Variants in PRPF40B observed in about 807,000 individuals in gnomAD.
PRPF40B encodes the protein pre-mRNA processing factor 40B.
Under a neutral mutation model 124.5 loss-of-function variants are expected in PRPF40B, and 56 were observed. That is an observed-to-expected ratio of 0.45 (90% CI 0.36 to 0.56). The LOEUF (loss-of-function observed/expected upper bound fraction) is 0.56, where lower values mean the gene tolerates loss of function less well. PRPF40B is among the 20% of genes least tolerant of loss of function. The probability of loss-of-function intolerance (pLI) is 0.00; values close to 1 mark genes in which losing one functional copy is unlikely to be tolerated. For synonymous variants in PRPF40B, 443 were observed against 426.4 expected (o/e 1.04, Z -0.48); for missense variants, 1,053 against 1,169.5 (o/e 0.90, Z 1.45).
chr12:49,633,889 ACAG>A lies in PRPF40B; in HGVS notation c.620_622del (p.Gln207del), dbSNP rs1460158407. On this transcript the variant is annotated inframe_deletion, in exon 10 of 26. Coordinates refer to ENST00000548825, the MANE Select transcript of PRPF40B (RefSeq NM_001031698.3). ...CGCCCTTCTGGCTCATCTGCAGGAA[ACAG>A]CAGCAGCAGCTGCCACAGACACTTC... 1 of 1,613,988 alleles carries A rather than the reference ACAG, an allele frequency of 6.2e-7. No individual in the cohort carries two copies.
intron 1 of PRPF40B, 142 bp downstream of exon 1, chr12:49,623,735 A>G (rs1940419215): frequency 1.2e-6 from 1 of 806,116 alleles, no homozygotes; most frequent in Non-Finnish European, 1.5e-6. Context: ...GGGTGAGGGA[A>G]GAGAGCCCGG....
Position 49,637,831 on chromosome 12 carries a change from G to A in PRPF40B, c.1767+7G>A. 6.3e-7 allele frequency: 1 copy of A among 1,596,742 alleles called. No homozygotes were observed. The highest frequency in any genetic ancestry group is 1.3e-5 in the African/African-American group (1 of 74,678). Reference sequence around the variant, plus strand: ...CATTAAGGACATCCTTAAGGTGAGGGAGGCTGGGGTTATGGATGGATACAG... The same window carrying A: ...CATTAAGGACATCCTTAAGGTGAGGAAGGCTGGGGTTATGGATGGATACAG... On this transcript the variant is annotated splice_region_variant and intron_variant, in intron 18 of 25. Coordinates refer to ENST00000548825, the MANE Select transcript of PRPF40B (RefSeq NM_001031698.3).
At chr12:49,625,862 C>T (rs368950574) in intron 1 of PRPF40B, among the ~76,000 whole-genome samples, 51 of 152,160 alleles carry the variant, frequency 3.4e-4, no homozygotes, top group African/African-American at 1.1e-3. Context: ...AGGAGAGGGA[C>T]GGGGTGTTTC....
chr12:49,636,714 A>C lies in PRPF40B; in HGVS notation c.1427-2A>C. The C allele has an allele frequency of 6.2e-7, 1 of 1,614,048 alleles. No homozygotes were observed. Among genetic ancestry groups the C allele is most frequent in the Non-Finnish European group, 8.5e-7 (1 of 1,179,926 alleles). Reference sequence around the variant, plus strand: ...CCCGCGGAACCTCCTGCCTGTCTTTAGACATGGACAAGGAAGATGCACTGA... The same window carrying C: ...CCCGCGGAACCTCCTGCCTGTCTTTCGACATGGACAAGGAAGATGCACTGA... On this transcript the variant is annotated splice_acceptor_variant, in intron 15 of 25. Transcript: ENST00000548825. LOFTEE classifies it high-confidence loss of function.
rs746175060 is a variant in PRPF40B at position 49,637,526 on chromosome 12, G to A, written c.1617G>A (p.Met539Ile). Residue 539 changes from methionine (M) to isoleucine (I), a missense_variant, in exon 17 of 26, where the codon ATG becomes ATA. Met to Ile is a conservative substitution (Grantham distance 10, BLOSUM62 1). Transcript: ENST00000548825. Reference protein sequence around the residue: ...TGQLHSMSTWMELYPAVSTDV... With the variant: ...TGQLHSMSTWIELYPAVSTDV... The stretch of plus-strand genomic sequence containing the variant: ...AGCTGCACTCTATGTCCACCTGGAT[G>A]GAGCTATATCCAGCAGTCAGCACTG... 4 of 1,613,770 alleles carry A rather than the reference G, an allele frequency of 2.5e-6. No individual in the cohort carries two copies. The African/African-American group carries it at 5.3e-5, about 22-fold the overall frequency.
chr12:49,629,947 T>C (rs1245045349), intron 1 of PRPF40B, among the ~76,000 whole-genome samples: 2 of 152,124 alleles, frequency 1.3e-5, no homozygotes, highest in African/African-American at 4.8e-5. Context: ...AAGTTGGCGA[T>C]TGGAAGTGGA....
At chr12:49,634,698 AC>A in intron 12 of PRPF40B, 96 bp downstream of exon 12, 1 of 1,480,526 alleles carries the variant, frequency 6.8e-7, no homozygotes, top group East Asian at 2.4e-5. Context: ...CCCTAAGGGA[AC>A]CAGAGTCAGG....
chr12:49,636,734 C>G lies in PRPF40B; in HGVS notation c.1445C>G (p.Ala482Gly). The G allele has an allele frequency of 6.2e-7, 1 of 1,614,174 alleles. No homozygotes were observed. Among genetic ancestry groups the G allele is most frequent in the Non-Finnish European group, 8.5e-7 (1 of 1,180,032 alleles). The change falls in exon 16 of 26, where the codon GCA (alanine) becomes GGA (glycine). Residue 482 changes from alanine to glycine, a missense_variant. This residue lies in a region of PRPF40B where 895 missense variants were observed against 1,052.2 expected (regional missense o/e 0.85). Transcript: ENST00000548825. ...TCTTTAGACATGGACAAGGAAGATGCACTGATCTGTTTTGAGGAGCACATC... is the reference window on the plus strand; with the variant it reads ...TCTTTAGACATGGACAAGGAAGATGGACTGATCTGTTTTGAGGAGCACATC... Reference protein sequence around the residue: ...HQLQNMDKEDALICFEEHIRA... With the variant: ...HQLQNMDKEDGLICFEEHIRA...
At position 49,642,357 on chromosome 12, in the gene PRPF40B, C is replaced by A. The variant is rs753332067; in HGVS notation, c.2007C>A (p.Gly669=). Residue 669 remains glycine, a synonymous_variant, in exon 20 of 26, where the codon GGC becomes GGA. Transcript: ENST00000548825. This position sits in a 1 kb window ranked among gnomAD's most constrained non-coding sequence, Gnocchi z 5.8. ...AGGCTGTGCCTGCTCTGGAGCTAGG[C>A]ACTGCCTGGGAAGAGGTCAGGAGCG... ...LRQAVPALEL[G]TAWEEVRERF... The A allele has an allele frequency of 2.9e-5, 47 of 1,613,760 alleles. No individual in the cohort carries two copies. The highest frequency in any genetic ancestry group is 2.8e-5 in the Non-Finnish European group (33 of 1,180,034).
At position 49,642,883 on chromosome 12, in the gene PRPF40B, G is replaced by A; in HGVS notation, c.2119-47G>A. On this transcript the variant is annotated intron_variant, in intron 21 of 25. Coordinates refer to ENST00000548825, the MANE Select transcript of PRPF40B (RefSeq NM_001031698.3). This position sits in a 1 kb window ranked among gnomAD's most constrained non-coding sequence, Gnocchi z 5.8. ...TTTTAGGAAGTAGGATCCTTCCTGG[G>A]GCTAAGTCTGGTGCTGTCCTCACCC... The A allele has an allele frequency of 6.4e-7, 1 of 1,572,072 alleles. No individual in the cohort carries two copies. The highest frequency in any genetic ancestry group is 8.7e-7 in the Non-Finnish European group (1 of 1,153,816).
In PRPF40B at chr12:49,636,756, C is replaced by G; in HGVS notation, c.1467C>G (p.His489Gln). 6.2e-7 allele frequency: 1 copy of G among 1,614,222 alleles called. No individual in the cohort carries two copies. Among genetic ancestry groups the G allele is most frequent in the Non-Finnish European group, 8.5e-7 (1 of 1,180,038 alleles). ...KEDALICFEE[H>Q]IRALEREEEE... ...ATGCACTGATCTGTTTTGAGGAGCA[C>G]ATCCGAGCTTTGGAGAGGGAAGAGG... Residue 489 changes from histidine to glutamine, a missense_variant, in exon 16 of 26, where the codon CAC becomes CAG. This residue lies in a region of PRPF40B where 895 missense variants were observed against 1,052.2 expected (regional missense o/e 0.85). Coordinates refer to ENST00000548825, the MANE Select transcript of PRPF40B (RefSeq NM_001031698.3).
chr12:49,629,364 C>T (rs551739395), intron 1 of PRPF40B, among the ~76,000 whole-genome samples: 1 of 152,306 alleles, frequency 6.6e-6, no homozygotes, highest in Non-Finnish European at 1.5e-5. Flanking sequence ...TTCATAGCTC[C>T]TTACTGGTGG....
chr12:49,624,715 C>T (rs1940542622), intron 1 of PRPF40B, among the ~76,000 whole-genome samples: 1 of 152,144 alleles, frequency 6.6e-6, no homozygotes, highest in Non-Finnish European at 1.5e-5. Context: ...CGTGGTGGCC[C>T]ATGCCTGTAA....
Position 49,631,449 on chromosome 12 carries a change from C to G in PRPF40B, c.133C>G (p.Pro45Ala). ...PPPFPPMGLP[P>A]MSQRPPAIPP... ...ACCCTTTCCTCCGATGGGGCTACCC[C>G]CCATGAGTCAGAGACCACCAGCTAT... Residue 45 changes from proline to alanine, a missense_variant, in exon 3 of 26, where the codon CCC (proline) becomes GCC (alanine). Pro to Ala is a conservative substitution (Grantham distance 27). Coordinates refer to ENST00000548825, the MANE Select transcript of PRPF40B (RefSeq NM_001031698.3). The surrounding 1 kb of genome is among the most constrained non-coding windows in gnomAD (Gnocchi z 4.3). The G allele has an allele frequency of 6.8e-6, 10 of 1,462,968 alleles. No homozygotes were observed. The highest frequency in any genetic ancestry group is 9.1e-6 in the Non-Finnish European group (10 of 1,095,120). 90.6% of individuals were successfully genotyped at this position (1,462,968 alleles called of 1,614,324 possible).
intron 1 of PRPF40B, among the ~76,000 whole-genome samples, chr12:49,624,714 C>T (rs940180694): frequency 1.3e-5 from 2 of 151,966 alleles, no homozygotes; most frequent in Admixed American, 6.6e-5. Context: ...GCGTGGTGGC[C>T]CATGCCTGTA....
Position 49,642,543 on chromosome 12 carries a change from G to C in PRPF40B, c.2023-37G>C. ...GGCGGTGTCCAGGCCAGGCTGAGTG[G>C]GGCCTAGTCTGATCAGCAGTGCTCT... On this transcript the variant is annotated intron_variant, in intron 20 of 25. Transcript: ENST00000548825. The surrounding 1 kb of genome is among the most constrained non-coding windows in gnomAD (Gnocchi z 5.8). 1 of 1,609,384 alleles carries C rather than the reference G, an allele frequency of 6.2e-7. No homozygotes were observed. The highest frequency in any genetic ancestry group is 8.5e-7 in the Non-Finnish European group (1 of 1,175,954).
chr12:49,629,356 C>T (rs997632231), intron 1 of PRPF40B, among the ~76,000 whole-genome samples: 3 of 152,190 alleles, frequency 2.0e-5, no homozygotes, highest in African/African-American at 7.2e-5. Flanking sequence ...TATATAATTT[C>T]ATAGCTCCTT....
At chr12:49,638,674 G>T (rs1942185024) in intron 18 of PRPF40B, 1 of 152,256 alleles carries the variant, frequency 6.6e-6, no homozygotes, top group Non-Finnish European at 1.5e-5. Flanking sequence ...AGATAATACA[G>T]TACAGTGGTT....
chr12:49,639,071 G>C (rs1942247919), intron 18 of PRPF40B: 1 of 152,200 alleles, frequency 6.6e-6, no homozygotes, highest in South Asian at 2.1e-4. Context: ...GCCCCAGCTT[G>C]GAAGTAGAGC....
Sources: allele counts gnomAD v4.1 joint callset (sites outside exome capture counted in the v4.1 genomes callset), GRCh38; gene constraint gnomAD v4.1.1; regional missense constraint gnomAD v4.1.1; non-coding constraint Gnocchi (gnomAD v3.1); transcripts MANE v1.5; gene names NCBI Gene and HGNC (gene_info 2026-07-23, HGNC 2026-07-21).